The following CSGALNACT1 variants were observed in gnomAD, a reference collection of about 807,000 sequenced individuals.
CSGALNACT1 encodes chondroitin sulfate N-acetylgalactosaminyltransferase 1, also known as beta4GalNAcT-1.
In CSGALNACT1, 52 loss-of-function variants were observed where a neutral mutation model predicts 51.0. That is an observed-to-expected ratio of 1.02 (90% CI 0.82 to 1.29). The LOEUF (loss-of-function observed/expected upper bound fraction) is 1.29. CSGALNACT1 is among the 50% of genes most tolerant of loss of function. The probability of loss-of-function intolerance (pLI) is 0.00; values close to 1 mark genes in which losing one functional copy is unlikely to be tolerated. For synonymous variants in CSGALNACT1, 341 were observed against 254.4 expected (o/e 1.34, Z -3.24); for missense variants, 935 against 679.2 (o/e 1.38, Z -4.19).
At chr8:19,592,009 G>A (rs2047925626) in intron 2 of CSGALNACT1, among the ~76,000 whole-genome samples, 1 of 151,822 alleles carries the variant, frequency 6.6e-6, no homozygotes, top group African/African-American at 2.4e-5. Flanking sequence ...TGTATAACCT[G>A]AATCCAATTA....
intron 1 of CSGALNACT1, among the ~76,000 whole-genome samples, chr8:19,656,920 G>C (rs1470389640): frequency 1.3e-5 from 2 of 151,860 alleles, no homozygotes; most frequent in Admixed American, 1.3e-4. Context: ...ACAAAAATTA[G>C]CTCAGCTTGG....
intron 1 of CSGALNACT1, among the ~76,000 whole-genome samples, chr8:19,627,438 A>C (rs920994221): frequency 5.9e-5 from 9 of 152,148 alleles, no homozygotes; most frequent in Admixed American, 5.9e-4. Context: ...CTGGAAATGG[A>C]ACAACTTGGT....
chr8:19,498,843 G>C (rs1375537925), intron 4 of CSGALNACT1, among the ~76,000 whole-genome samples: 2 of 152,250 alleles, frequency 1.3e-5, no homozygotes, highest in Admixed American at 6.5e-5. Context: ...GCCAGATGCA[G>C]TGGCTTATGC....
At chr8:19,458,262 G>A (rs113451800) in intron 5 of CSGALNACT1, among the ~76,000 whole-genome samples, 164 bp downstream of exon 4, 3 of 152,300 alleles carry the variant, frequency 2.0e-5, no homozygotes, top group African/African-American at 4.8e-5. Flanking sequence ...TTGCTCTAGG[G>A]AAAGGCAAAT....
intron 1 of CSGALNACT1, among the ~76,000 whole-genome samples, chr8:19,745,733 C>T (rs1262254357): frequency 6.6e-6 from 1 of 152,134 alleles, no homozygotes; most frequent in Non-Finnish European, 1.5e-5. Flanking sequence ...ACTGAAATGC[C>T]AGGGGGTCAT....
intron 3 of CSGALNACT1, among the ~76,000 whole-genome samples, chr8:19,540,474 A>G (rs1466037582): frequency 6.6e-6 from 1 of 152,254 alleles, no homozygotes; most frequent in African/African-American, 2.4e-5. Context: ...GACACACAGT[A>G]TCTGCTTATA....
intron 3 of CSGALNACT1, among the ~76,000 whole-genome samples, chr8:19,506,784 T>C (rs2077418106): frequency 6.6e-6 from 1 of 152,210 alleles, no homozygotes; most frequent in African/African-American, 2.4e-5. Context: ...GACCGTCACC[T>C]TCCACCATGA....
rs1029221845 is a variant in CSGALNACT1, at chr8:19,418,883, G to C, written c.1133-133C>G. On this transcript the variant is annotated intron_variant, in intron 7 of 9. Coordinates refer to ENST00000454498, the Ensembl canonical transcript of CSGALNACT1. ...TTTTTCTTTGAGAGGCAGTCTCACT[G>C]TCACCCAGGCTGCAATAGAGTGGCA... The C allele has an allele frequency of 1.3e-5, 9 of 708,538 alleles. No homozygotes were observed. In the African/African-American group the frequency reaches 1.6e-4, roughly 12 times the overall value. The allele number at this position is 708,538 out of a possible 1,614,324, so 43.9% of individuals were successfully genotyped here. A position where few individuals can be genotyped will look rare whatever the true frequency, so the allele number is the denominator to read the frequency against.
chr8:19,701,761 T>A (rs187324075), intron 1 of CSGALNACT1, among the ~76,000 whole-genome samples: 4 of 152,292 alleles, frequency 2.6e-5, no homozygotes, highest in Non-Finnish European at 4.4e-5. Flanking sequence ...TTTAAGTAAT[T>A]TACCCAAGAT....
intron 4 of CSGALNACT1, among the ~76,000 whole-genome samples, chr8:19,481,529 C>G (rs377584400): frequency 1.3e-5 from 2 of 152,120 alleles, no homozygotes; most frequent in Admixed American, 6.5e-5. Context: ...AAAGTCTACC[C>G]AAACCTCCTC....
At chr8:19,518,131 C>T (rs1011800247) in intron 3 of CSGALNACT1, among the ~76,000 whole-genome samples, 20 of 152,274 alleles carry the variant, frequency 1.3e-4, no homozygotes, top group African/African-American at 4.3e-4. Flanking sequence ...ACTCCCCAGC[C>T]AAGTACTTTC....
intron 1 of CSGALNACT1, among the ~76,000 whole-genome samples, chr8:19,673,600 G>A (rs1275314107): frequency 6.6e-6 from 1 of 152,164 alleles, no homozygotes; most frequent in African/African-American, 2.4e-5. Context: ...GCTATCCTGA[G>A]AAATGATCTG....
intron 3 of CSGALNACT1, among the ~76,000 whole-genome samples, chr8:19,531,378 T>G (rs1331834590): frequency 6.6e-6 from 1 of 152,258 alleles, no homozygotes; most frequent in African/African-American, 2.4e-5. Context: ...AGACATATTC[T>G]GGACTGCTAA....
intron 4 of CSGALNACT1, among the ~76,000 whole-genome samples, chr8:19,477,076 A>T (rs75340380): frequency 0.023 from 3,498 of 152,334 alleles, 144 homozygotes; most frequent in African/African-American, 0.08. Flanking sequence ...AACACATGTA[A>T]TTGATCATTA....
At chr8:19,519,825 T>C (rs1000576450) in intron 3 of CSGALNACT1, among the ~76,000 whole-genome samples, 18 of 152,304 alleles carry the variant, frequency 1.2e-4, no homozygotes, top group Admixed American at 1.1e-3. Context: ...CCACAATCCT[T>C]GGCACCAGCC....
intron 3 of CSGALNACT1, among the ~76,000 whole-genome samples, chr8:19,581,174 T>G (rs1042974306): frequency 1.3e-5 from 2 of 152,070 alleles, no homozygotes; most frequent in Non-Finnish European, 2.9e-5. Context: ...AGGAGAAATA[T>G]AAATAAAATA....
At position 19,537,937 on chromosome 8, in the gene CSGALNACT1, G is replaced by C. The variant is rs542029245; in HGVS notation, c.-296-31807C>G. 2.2e-3 allele frequency among the ~76,000 whole-genome samples: 333 copies of C among 152,270 alleles called. 3 individuals carry two copies. Among genetic ancestry groups the C allele is most frequent in the African/African-American group, 7.7e-3 (322 of 41,550 alleles). On this transcript the variant is annotated intron_variant, in intron 3 of 9. Transcript: ENST00000454498. Reference sequence around the variant, plus strand: ...TTTGCTCTGCAAAATTCTTTGTTAAGATAATGAAAAGATAAGCTATGGACT... The same window carrying C: ...TTTGCTCTGCAAAATTCTTTGTTAACATAATGAAAAGATAAGCTATGGACT...
intron 1 of CSGALNACT1, among the ~76,000 whole-genome samples, chr8:19,637,693 A>C (rs761013156): frequency 6.6e-6 from 1 of 152,260 alleles, no homozygotes. Context: ...CTAAGTTTTA[A>C]AAAGGTAATT....
chr8:19,412,616 G>A (rs926700462), intron 8 of CSGALNACT1, among the ~76,000 whole-genome samples: 1 of 152,236 alleles, frequency 6.6e-6, no homozygotes, highest in Non-Finnish European at 1.5e-5. Flanking sequence ...CGTTAGCAGG[G>A]CCGGCTTACA....
Sources: allele counts gnomAD v4.1 joint callset (sites outside exome capture counted in the v4.1 genomes callset), GRCh38; gene constraint gnomAD v4.1.1; transcripts MANE v1.5; gene names NCBI Gene and HGNC (gene_info 2026-07-23, HGNC 2026-07-21).